MINPP1: variants seen among roughly 807,000 people sequenced by gnomAD.
The protein encoded by MINPP1 is multiple inositol-polyphosphate phosphatase 1, also known as multiple inositol polyphosphate phosphatase 1.
A neutral mutation model predicts 46.1 loss-of-function variants in MINPP1; 28 were observed. The ratio of observed to expected loss-of-function variants is 0.61; its 90% confidence interval spans 0.45 to 0.83. The LOEUF is 0.83. Among genes scored for constraint, MINPP1 ranks in the 40% least tolerant of loss-of-function variants. The pLI, the probability that MINPP1 is intolerant of heterozygous loss-of-function variation, is 0.00. For synonymous variants in MINPP1, 268 were observed against 249.1 expected (o/e 1.08, Z -0.72); for missense variants, 603 against 610.0 (o/e 0.99, Z 0.12).
chr10:87,505,561 C>T lies in MINPP1; in HGVS notation c.637+9C>T, dbSNP rs763480512. ...GCCGCCGGACGTCGCAGGTGACCCCCCGGGCGGCCCGTGTGCTGTCCCGGT... is the reference window on the plus strand; with the variant it reads ...GCCGCCGGACGTCGCAGGTGACCCCTCGGGCGGCCCGTGTGCTGTCCCGGT... On this transcript the variant is annotated intron_variant, in intron 1 of 4. Transcript: ENST00000371996. This position sits in a 1 kb window ranked among gnomAD's most constrained non-coding sequence, Gnocchi z 4.4. 1.3e-6 allele frequency: 2 copies of T among 1,596,146 alleles called. No homozygotes were observed. The highest frequency in any genetic ancestry group is 1.7e-6 in the Non-Finnish European group (2 of 1,176,712).
At chr10:87,523,012 C>T (rs1163321916) in intron 4 of MINPP1, among the ~76,000 whole-genome samples, 1 of 152,210 alleles carries the variant, frequency 6.6e-6, no homozygotes, top group Non-Finnish European at 1.5e-5. Context: ...CCATAAGAAG[C>T]AACTCCTCAG....
chr10:87,551,831 T>C (rs1467032520), intron 4 of MINPP1, among the ~76,000 whole-genome samples: 1 of 152,148 alleles, frequency 6.6e-6, no homozygotes, highest in East Asian at 1.9e-4. Flanking sequence ...AAGGAAAATA[T>C]GTATGCACAC....
chr10:87,522,021 C>G (rs1035105856), intron 4 of MINPP1, among the ~76,000 whole-genome samples: 2 of 152,100 alleles, frequency 1.3e-5, no homozygotes, highest in Admixed American at 1.3e-4. Context: ...GAAGTTTTCC[C>G]AAACTGGATT....
chr10:87,546,490 G>C (rs1237078549), intron 4 of MINPP1: 1 of 152,206 alleles, frequency 6.6e-6, no homozygotes, highest in African/African-American at 2.4e-5. Flanking sequence ...TGAGAAACAC[G>C]TTCTGCCGAA....
At chr10:87,521,388 T>A (rs1488637240) in intron 4 of MINPP1, among the ~76,000 whole-genome samples, 3 of 152,208 alleles carry the variant, frequency 2.0e-5, no homozygotes, top group Non-Finnish European at 4.4e-5. Flanking sequence ...ATAAATTGCA[T>A]TTGTTTACTT....
In MINPP1 at chr10:87,521,081, T is replaced by C; in HGVS notation, c.979T>C (p.Tyr327His). 1 of 1,386,668 alleles carries C rather than the reference T, an allele frequency of 7.2e-7. No homozygotes were observed. Among genetic ancestry groups the C allele is most frequent in the South Asian group, 1.2e-5 (1 of 85,278 alleles). The allele number at this position is 1,386,668 out of a possible 1,614,324, so 85.9% of individuals were successfully genotyped here. The change falls in exon 4 of 5, where the codon TAT becomes CAT. Residue 327 changes from tyrosine (Y) to histidine (H), a missense_variant. This residue lies in a region of MINPP1 where 344 missense variants were observed against 381.1 expected (regional missense o/e 0.90). Coordinates refer to ENST00000371996, the MANE Select transcript of MINPP1 (RefSeq NM_004897.5). ...TCTGAAACAATATTGGAAAAGAGGA[T>C]ATGGGTATACTATTAACAGTCGATC... The part of the protein sequence containing the change: ...NDLKQYWKRG[Y>H]GYTINSRSSC...
chr10:87,538,320 C>T lies in MINPP1; in HGVS notation c.1068-13762C>T, dbSNP rs372598600. On this transcript the variant is annotated intron_variant, in intron 4 of 4. Coordinates refer to ENST00000371996, the MANE Select transcript of MINPP1 (RefSeq NM_004897.5). Reference sequence around the variant, plus strand: ...CCATCTCAGCTGCTCAGGGCGACTTCCCGAGCTGTTTGGGCATCCCCTCCC... The same window carrying T: ...CCATCTCAGCTGCTCAGGGCGACTTTCCGAGCTGTTTGGGCATCCCCTCCC... 9.2e-5 allele frequency among the ~76,000 whole-genome samples: 14 copies of T among 152,260 alleles called. No homozygotes were observed. In the East Asian group the frequency reaches 2.7e-3, roughly 29 times the overall value.
At chr10:87,509,426 A>G (rs765491640) in intron 2 of MINPP1, among the ~76,000 whole-genome samples, 2 of 152,218 alleles carry the variant, frequency 1.3e-5, no homozygotes, top group Admixed American at 6.5e-5. Context: ...CTGGCAGTAC[A>G]TTGGCATCGC....
At chr10:87,509,176 A>T in intron 2 of MINPP1, among the ~76,000 whole-genome samples, 1 of 152,226 alleles carries the variant, frequency 6.6e-6, no homozygotes. Context: ...GGAGATTAAG[A>T]AAATAAGATT....
chr10:87,511,627 C>T (rs1345616659), intron 2 of MINPP1, among the ~76,000 whole-genome samples: 1 of 152,154 alleles, frequency 6.6e-6, no homozygotes, highest in Non-Finnish European at 1.5e-5. Flanking sequence ...CTAAAGAGAG[C>T]TTACCCAGGA....
At chr10:87,533,428 A>C (rs544297137) in intron 4 of MINPP1, among the ~76,000 whole-genome samples, 1 of 152,076 alleles carries the variant, frequency 6.6e-6, no homozygotes, top group African/African-American at 2.4e-5. Flanking sequence ...AGATATTTCT[A>C]TTTAAGCAGA....
At chr10:87,550,658 C>T (rs1050310498) in intron 4 of MINPP1, among the ~76,000 whole-genome samples, 2 of 151,664 alleles carry the variant, frequency 1.3e-5, no homozygotes, top group South Asian at 2.1e-4. Flanking sequence ...TCTCACAGAG[C>T]CCCCCCGTTC....
chr10:87,541,997 A>C lies in MINPP1; in HGVS notation c.1068-10085A>C, dbSNP rs920526929. On this transcript the variant is annotated intron_variant, in intron 4 of 4. Transcript: ENST00000371996. ...TTCCAACCCTGGCCCCCTAAATCTC[A>C]TATCCCCACATTTCAAAATACAGTC... 3.3e-5 allele frequency among the ~76,000 whole-genome samples: 5 copies of C among 152,168 alleles called. No homozygotes were observed. The South Asian group carries it at 1.0e-3, about 32-fold the overall frequency.
intron 4 of MINPP1, among the ~76,000 whole-genome samples, chr10:87,534,430 T>G (rs1851705000): frequency 6.6e-6 from 1 of 152,220 alleles, no homozygotes; most frequent in Non-Finnish European, 1.5e-5. Context: ...GAATTCATAT[T>G]CAAATGTCCA....
At chr10:87,543,603 A>C (rs1348957450) in intron 4 of MINPP1, among the ~76,000 whole-genome samples, 1 of 152,164 alleles carries the variant, frequency 6.6e-6, no homozygotes, top group Non-Finnish European at 1.5e-5. Context: ...GCAGTGAGCT[A>C]TGATCACTAA....
At chr10:87,540,495 TCACACACACACA>T (rs3062345) in intron 4 of MINPP1, among the ~76,000 whole-genome samples, 4 of 149,164 alleles carry the variant, frequency 2.7e-5, no homozygotes, top group Non-Finnish European at 5.9e-5. Flanking sequence ...TCTCTCTCTG[TCACACACACACA>T]CACACACACA....
At chr10:87,508,067 G>A in intron 1 of MINPP1, 1 of 1,462,708 alleles carries the variant, frequency 6.8e-7, no homozygotes, top group Non-Finnish European at 9.0e-7. Context: ...ATTAATGTAT[G>A]ATGCAATTTC....
intron 3 of MINPP1, among the ~76,000 whole-genome samples, chr10:87,518,829 C>T (rs990421111): frequency 4.6e-5 from 7 of 152,168 alleles, no homozygotes; most frequent in Non-Finnish European, 8.8e-5. Context: ...ATGAGTAGGG[C>T]GAGATATGGG....
At position 87,505,549 on chromosome 10, in the gene MINPP1, G is replaced by C. The variant is rs759333132; in HGVS notation, c.634G>C (p.Ala212Pro). The C allele has an allele frequency of 6.2e-6, 10 of 1,603,806 alleles. No individual in the cohort carries two copies. The East Asian group carries it at 2.2e-4, about 36-fold the overall frequency. The change falls in exon 1 of 5, where the codon GCA becomes CCA. Residue 212 changes from alanine (A) to proline (P), a missense_variant. This residue lies in a region of MINPP1 where 344 missense variants were observed against 381.1 expected (regional missense o/e 0.90). Transcript: ENST00000371996. This position sits in a 1 kb window ranked among gnomAD's most constrained non-coding sequence, Gnocchi z 4.4. ...CCCTGGCTTGCCGCCGCCGGACGTCGCAGGTGACCCCCCGGGCGGCCCGTG... is the reference window on the plus strand; with the variant it reads ...CCCTGGCTTGCCGCCGCCGGACGTCCCAGGTGACCCCCCGGGCGGCCCGTG... ...YHPGLPPPDV[A>P]DMEFGPPTVN...
Sources: gnomAD v4.1 joint callset for allele counts (sites outside exome capture counted in the v4.1 genomes callset) on GRCh38, gnomAD v4.1.1 for gene constraint, gnomAD v4.1.1 regional missense constraint, Gnocchi (gnomAD v3.1) non-coding constraint, MANE v1.5 for transcripts, NCBI Gene and HGNC (gene_info 2026-07-23, HGNC 2026-07-21) for gene names.